CA10: variants seen among roughly 807,000 people sequenced by gnomAD.
The protein encoded by CA10 is carbonic anhydrase-related protein 10.
A neutral mutation model predicts 44.2 loss-of-function variants in CA10; 14 were observed. That is an observed-to-expected ratio of 0.32 (90% CI 0.21 to 0.50). The LOEUF (loss-of-function observed/expected upper bound fraction) is 0.50. Among genes scored for constraint, CA10 ranks in the 20% least tolerant of loss-of-function variants. The pLI, the probability that CA10 is intolerant of heterozygous loss-of-function variation, is 0.99. For missense variants in CA10, 350 were observed against 409.7 expected (o/e 0.85, Z 1.26); for synonymous variants, 159 against 141.6 (o/e 1.12, Z -0.87).
At chr17:51,991,021 C>T (rs1015409996) in intron 2 of CA10, among the ~76,000 whole-genome samples, 3 of 152,100 alleles carry the variant, frequency 2.0e-5, no homozygotes, top group Non-Finnish European at 2.9e-5. Context: ...TGTGTGCCCT[C>T]GGGCAAGTTA....
chr17:51,889,138 T>A (rs8082059), intron 3 of CA10, among the ~76,000 whole-genome samples: 17,076 of 151,956 alleles, frequency 0.11, 1,315 homozygotes, highest in African/African-American at 0.23. Context: ...GAGACCCAGG[T>A]GGAGATTGCA....
rs545890458 is a variant in CA10, at chr17:51,707,962, C to T, written c.465+39671G>A. 2.0e-5 allele frequency among the ~76,000 whole-genome samples: 3 copies of T among 152,240 alleles called. No individual in the cohort carries two copies. The South Asian group carries it at 6.2e-4, about 32-fold the overall frequency. On this transcript the variant is annotated intron_variant, in intron 4 of 8. Transcript: ENST00000451037. ...GATGAAGACACTGGAGTGGATAAGA[C>T]ACTCATGGAGACACTTAAAGCAGGA...
intron 2 of CA10, among the ~76,000 whole-genome samples, chr17:52,064,903 C>T (rs1037272366): frequency 6.6e-6 from 1 of 152,192 alleles, no homozygotes; most frequent in Non-Finnish European, 1.5e-5. Context: ...TGATCTAATT[C>T]CTCAGAAATT....
intron 2 of CA10, among the ~76,000 whole-genome samples, chr17:52,016,211 C>A (rs1447831519): frequency 1.3e-5 from 2 of 152,080 alleles, no homozygotes; most frequent in Non-Finnish European, 2.9e-5. Context: ...GCTTTGTAGC[C>A]ATCCTTTCCC....
At chr17:51,632,333 G>A (rs1040875181) in intron 8 of CA10, among the ~76,000 whole-genome samples, 1 of 152,292 alleles carries the variant, frequency 6.6e-6, no homozygotes, top group Non-Finnish European at 1.5e-5. Context: ...AAGAGAAGAA[G>A]CAATGAATGA....
chr17:51,643,902 A>G (rs1202618529), intron 6 of CA10, among the ~76,000 whole-genome samples: 1 of 152,210 alleles, frequency 6.6e-6, no homozygotes, highest in Non-Finnish European at 1.5e-5. Flanking sequence ...GTCAGCATTA[A>G]TATCTTCCTC....
At chr17:51,963,128 G>C (rs1983952806) in intron 2 of CA10, among the ~76,000 whole-genome samples, 1 of 152,100 alleles carries the variant, frequency 6.6e-6, no homozygotes, top group African/African-American at 2.4e-5. Flanking sequence ...ATAATTGAAA[G>C]CTTTAACAAT....
At chr17:51,729,155 C>A (rs1916626886) in intron 4 of CA10, among the ~76,000 whole-genome samples, 1 of 152,112 alleles carries the variant, frequency 6.6e-6, no homozygotes, top group South Asian at 2.1e-4. Flanking sequence ...ATCTGTCCCC[C>A]ATTTGACCTC....
At position 51,882,893 on chromosome 17, in the gene CA10, T is replaced by C. The variant is rs374800693; in HGVS notation, c.279+48097A>G. ...GTTCTCCTTTCTCAGAATAGAGTAATAGTTTGGCACTTCTCTCTTGAAAAA... is the reference window on the plus strand; with the variant it reads ...GTTCTCCTTTCTCAGAATAGAGTAACAGTTTGGCACTTCTCTCTTGAAAAA... On this transcript the variant is annotated intron_variant, in intron 3 of 8. Transcript: ENST00000451037. 1.9e-4 allele frequency among the ~76,000 whole-genome samples: 29 copies of C among 152,340 alleles called. No individual in the cohort carries two copies. In the East Asian group the frequency reaches 3.7e-3, roughly 19 times the overall value.
chr17:52,059,673 A>T (rs1448772388), intron 2 of CA10, among the ~76,000 whole-genome samples: 4 of 44,946 alleles, frequency 8.9e-5, no homozygotes, highest in Admixed American at 3.8e-4. Context: ...AAGTATAATA[A>T]AAAAAAAAGT....
At chr17:51,933,393 G>A (rs1982741001) in intron 2 of CA10, among the ~76,000 whole-genome samples, 1 of 152,000 alleles carries the variant, frequency 6.6e-6, no homozygotes, top group Admixed American at 6.6e-5. Flanking sequence ...ATACTCTGCT[G>A]GCTTTGAAGA....
At chr17:52,142,924 T>C (rs1042728286) in intron 1 of CA10, among the ~76,000 whole-genome samples, 6 of 152,366 alleles carry the variant, frequency 3.9e-5, no homozygotes, top group Admixed American at 2.0e-4. Context: ...TCAAGCTATA[T>C]GGCATCTCAG....
intron 2 of CA10, among the ~76,000 whole-genome samples, chr17:51,986,700 A>C (rs763440577): frequency 6.6e-6 from 1 of 152,124 alleles, no homozygotes; most frequent in Non-Finnish European, 1.5e-5. Flanking sequence ...TCGGCTATGG[A>C]CATGAGTAGA....
chr17:52,062,878 C>A (rs1987428213), intron 2 of CA10, among the ~76,000 whole-genome samples: 1 of 152,226 alleles, frequency 6.6e-6, no homozygotes. Flanking sequence ...AACAGGAGCA[C>A]CACACTTCAG....
intron 2 of CA10, among the ~76,000 whole-genome samples, chr17:51,939,138 A>G (rs1005776038): frequency 6.6e-6 from 1 of 152,018 alleles, no homozygotes; most frequent in Non-Finnish European, 1.5e-5. Context: ...ATACACATGT[A>G]TATATATATT....
intron 2 of CA10, among the ~76,000 whole-genome samples, chr17:51,953,855 G>T (rs1028637216): frequency 2.6e-5 from 4 of 151,968 alleles, no homozygotes; most frequent in African/African-American, 9.7e-5. Flanking sequence ...ACATAAAAAG[G>T]GAAAGCAAGG....
intron 1 of CA10, among the ~76,000 whole-genome samples, chr17:52,149,402 GGCC>G (rs1359133799): frequency 2.0e-5 from 3 of 152,130 alleles, no homozygotes; most frequent in Non-Finnish European, 2.9e-5. Flanking sequence ...CCATCCTGAT[GGCC>G]CAGTAATGCA....
chr17:51,846,203 T>C (rs1978486197), intron 3 of CA10, among the ~76,000 whole-genome samples: 1 of 152,202 alleles, frequency 6.6e-6, no homozygotes, highest in African/African-American at 2.4e-5. Flanking sequence ...CTGGGCACAA[T>C]AAGTTAAAGG....
At chr17:52,034,934 G>A (rs560249508) in intron 2 of CA10, among the ~76,000 whole-genome samples, 30 of 152,218 alleles carry the variant, frequency 2.0e-4, no homozygotes, top group African/African-American at 7.0e-4. Context: ...AATTAACTTT[G>A]ATTACAAGGT....
Sources: allele counts gnomAD v4.1 joint callset (sites outside exome capture counted in the v4.1 genomes callset), GRCh38; gene constraint gnomAD v4.1.1; transcripts MANE v1.5; gene names NCBI Gene and HGNC (gene_info 2026-07-23, HGNC 2026-07-21).